AFF3: variants seen among roughly 807,000 people sequenced by gnomAD.
AFF3 encodes the protein ALF transcription elongation factor 3.
AFF3 carries 32 observed loss-of-function variants against 129.7 expected under a neutral mutation model. The observed-to-expected ratio is 0.25, with a 90% confidence interval of 0.19 to 0.33. The LOEUF (loss-of-function observed/expected upper bound fraction) is 0.33, where lower values mean the gene tolerates loss of function less well. AFF3 is among the 10% of genes least tolerant of loss of function. AFF3 has a pLI of 1.00. For synonymous variants in AFF3, 644 were observed against 635.4 expected (o/e 1.01, Z -0.20); for missense variants, 1,373 against 1,592.0 (o/e 0.86, Z 2.34).
chr2:99,990,507 A>C (rs1680244017), intron 7 of AFF3, among the ~76,000 whole-genome samples: 1 of 152,154 alleles, frequency 6.6e-6, no homozygotes, highest in Non-Finnish European at 1.5e-5. Context: ...TATGAAATTA[A>C]AATATCTTTA....
chr2:99,822,936 GAC>G (rs1482781532), intron 8 of AFF3, among the ~76,000 whole-genome samples: 1 of 152,158 alleles, frequency 6.6e-6, no homozygotes. Flanking sequence ...TTATTTTGTA[GAC>G]CAGACAGGAG....
chr2:99,695,035 AATAAT>A (rs914844403), intron 11 of AFF3, among the ~76,000 whole-genome samples: 7 of 152,094 alleles, frequency 4.6e-5, no homozygotes, highest in African/African-American at 7.2e-5. Flanking sequence ...TATTAATTTA[AATAAT>A]ATAATTAGTA....
chr2:100,059,083 T>G (rs1441781829), intron 4 of AFF3, among the ~76,000 whole-genome samples: 1 of 151,788 alleles, frequency 6.6e-6, no homozygotes, highest in Non-Finnish European at 1.5e-5. Flanking sequence ...TGAAACCCCA[T>G]CTCTATTAAA....
At chr2:99,878,859 A>G (rs1371334340) in intron 7 of AFF3, among the ~76,000 whole-genome samples, 1 of 152,234 alleles carries the variant, frequency 6.6e-6, no homozygotes, top group Non-Finnish European at 1.5e-5. Flanking sequence ...TTTAAACAAT[A>G]GCCCTTTGGA....
chr2:100,011,763 G>T (rs1182143396), intron 4 of AFF3, among the ~76,000 whole-genome samples: 2 of 152,146 alleles, frequency 1.3e-5, no homozygotes, highest in Non-Finnish European at 2.9e-5. Context: ...CATGAAAACA[G>T]ATTCATAAAC....
At chr2:99,784,654 T>G (rs1684660365) in intron 8 of AFF3, among the ~76,000 whole-genome samples, 1 of 152,242 alleles carries the variant, frequency 6.6e-6, no homozygotes, top group Non-Finnish European at 1.5e-5. Context: ...TATCGGCATT[T>G]GAGAGAAGAA....
chr2:99,823,468 G>A (rs1167723004), intron 8 of AFF3, among the ~76,000 whole-genome samples: 2 of 152,100 alleles, frequency 1.3e-5, no homozygotes, highest in Admixed American at 1.3e-4. Flanking sequence ...AAAATAATAT[G>A]TACTTTACAT....
chr2:99,587,236 C>T lies in AFF3; in HGVS notation c.2509G>A (p.Gly837Arg). 2.5e-6 allele frequency: 4 copies of T among 1,614,164 alleles called. No homozygotes were observed. Among genetic ancestry groups the T allele is most frequent in the Non-Finnish European group, 3.4e-6 (4 of 1,180,018 alleles). Residue 837 changes from glycine (G) to arginine (R), a missense_variant, in exon 16 of 25, where the codon GGA becomes AGA. Gly to Arg is a moderately radical substitution (Grantham distance 125). Coordinates refer to ENST00000672756, the MANE Select transcript of AFF3 (RefSeq NM_001386135.1). ...DDYREIKKSQ[G>R]EKDSSSRLAT... ...AGTCTTGAAGAGCTGTCTTTCTCTC[C>T]CTGGGACTTCTTGATCTCCCTGTAG...
chr2:99,875,966 T>C lies in AFF3; in HGVS notation c.874-38442A>G, dbSNP rs529364642. Among the ~76,000 whole-genome samples, 9 of 152,266 alleles carry C rather than the reference T, an allele frequency of 5.9e-5. No homozygotes were observed. The East Asian group carries it at 1.5e-3, about 26-fold the overall frequency. ...CCTTCCATGTCACTCTAAGCAGCACTTGACAGAGTGGGCCCCTCCCTCCTC... is the reference window on the plus strand; with the variant it reads ...CCTTCCATGTCACTCTAAGCAGCACCTGACAGAGTGGGCCCCTCCCTCCTC... On this transcript the variant is annotated intron_variant, in intron 7 of 24. Transcript: ENST00000672756.
intron 4 of AFF3, among the ~76,000 whole-genome samples, chr2:100,059,986 T>G (rs1687125109): frequency 6.6e-6 from 1 of 152,174 alleles, no homozygotes; most frequent in Non-Finnish European, 1.5e-5. Flanking sequence ...ACAAAATGCC[T>G]ATGACTAAGT....
intron 7 of AFF3, among the ~76,000 whole-genome samples, chr2:99,848,659 T>C (rs1289087306): frequency 1.3e-5 from 2 of 152,224 alleles, no homozygotes; most frequent in Non-Finnish European, 2.9e-5. Flanking sequence ...AAAATGATCA[T>C]TTTGTGATAA....
At chr2:100,072,861 C>T (rs1417033184) in intron 4 of AFF3, among the ~76,000 whole-genome samples, 1 of 152,152 alleles carries the variant, frequency 6.6e-6, no homozygotes, top group East Asian at 1.9e-4. Flanking sequence ...TCCTGCCATC[C>T]CTTTTACCTT....
At chr2:100,106,522 CG>C in intron 2 of AFF3, 1 of 1,000,582 alleles carries the variant, frequency 1.0e-6, no homozygotes, top group South Asian at 4.3e-5. Flanking sequence ...AAAGTGAGAT[CG>C]AGACATTGAG....
intron 13 of AFF3, among the ~76,000 whole-genome samples, chr2:99,648,917 A>ACACACACACTCTCTCTCTCTCTCT: frequency 1.2e-3 from 57 of 46,908 alleles, no homozygotes; most frequent in African/African-American, 3.3e-3. Context: ...ACACACACAC[A>ACACACACACTCTCTCTCTCTCTCT]CTCTCTCTCT....
At chr2:100,046,331 C>G (rs1559084448) in intron 4 of AFF3, among the ~76,000 whole-genome samples, 1 of 152,168 alleles carries the variant, frequency 6.6e-6, no homozygotes, top group Non-Finnish European at 1.5e-5. Flanking sequence ...AGGATTCCAA[C>G]CTATAAGTCT....
At chr2:99,813,256 T>C (rs968303412) in intron 8 of AFF3, among the ~76,000 whole-genome samples, 4 of 152,200 alleles carry the variant, frequency 2.6e-5, no homozygotes, top group Non-Finnish European at 5.9e-5. Context: ...ACGGCACCAG[T>C]TCCAACTACA....
At chr2:99,708,232 G>A (rs1677582310) in intron 11 of AFF3, among the ~76,000 whole-genome samples, 1 of 152,072 alleles carries the variant, frequency 6.6e-6, no homozygotes, top group African/African-American at 2.4e-5. Flanking sequence ...AGGTTCAATG[G>A]AAGGGATTTT....
At chr2:99,799,708 T>C (rs868336060) in intron 8 of AFF3, among the ~76,000 whole-genome samples, 2 of 152,084 alleles carry the variant, frequency 1.3e-5, no homozygotes, top group South Asian at 2.1e-4. Context: ...TACTATTTGA[T>C]AGAAAATCAT....
intron 1 of AFF3, among the ~76,000 whole-genome samples, chr2:100,141,451 C>A (rs533564558): frequency 6.6e-6 from 1 of 152,312 alleles, no homozygotes; most frequent in East Asian, 1.9e-4. Context: ...GTAGTTAGAA[C>A]ATTCTTAAAT....
Sources: gnomAD v4.1 joint callset for allele counts (sites outside exome capture counted in the v4.1 genomes callset) on GRCh38, gnomAD v4.1.1 for gene constraint, MANE v1.5 for transcripts, NCBI Gene and HGNC (gene_info 2026-07-23, HGNC 2026-07-21) for gene names.